The following FNDC3A variants were observed in gnomAD, a reference collection of about 807,000 sequenced individuals.
FNDC3A encodes fibronectin type-III domain-containing protein 3A.
In FNDC3A, 32 loss-of-function variants were observed where a neutral mutation model predicts 148.9. The ratio of observed to expected loss-of-function variants is 0.21; its 90% CI spans 0.16 to 0.29. The LOEUF is 0.29. Among genes scored for constraint, FNDC3A ranks in the 10% least tolerant of loss-of-function variants. FNDC3A has a pLI of 1.00. For missense variants in FNDC3A, 1,191 were observed against 1,452.8 expected (o/e 0.82, Z 2.93); for synonymous variants, 472 against 473.6 (o/e 1.00, Z 0.04).
intron 1 of FNDC3A, among the ~76,000 whole-genome samples, chr13:49,004,205 G>C (rs1952179064): frequency 6.6e-6 from 1 of 152,220 alleles, no homozygotes; most frequent in African/African-American, 2.4e-5. Flanking sequence ...AACAAAACTA[G>C]AAGTAATTTA....
chr13:49,007,130 G>A (rs903957615), intron 2 of FNDC3A, among the ~76,000 whole-genome samples: 1 of 152,010 alleles, frequency 6.6e-6, no homozygotes, highest in South Asian at 2.1e-4. Context: ...GCTCCTAACT[G>A]TTACTCATAC....
intron 7 of FNDC3A, among the ~76,000 whole-genome samples, chr13:49,145,187 G>A (rs1001689026): frequency 9.2e-5 from 14 of 152,142 alleles, no homozygotes; most frequent in African/African-American, 1.2e-4. Flanking sequence ...TTCACTAGTT[G>A]CTATACACAA....
intron 8 of FNDC3A, among the ~76,000 whole-genome samples, chr13:49,147,153 G>C (rs963526371): frequency 6.6e-6 from 1 of 152,156 alleles, no homozygotes; most frequent in African/African-American, 2.4e-5. Flanking sequence ...GTAAACCTAA[G>C]GGGTAAGTAG....
intron 2 of FNDC3A, among the ~76,000 whole-genome samples, chr13:49,067,705 T>C (rs1464382743): frequency 6.6e-6 from 1 of 152,212 alleles, no homozygotes; most frequent in Non-Finnish European, 1.5e-5. Flanking sequence ...CTTAATCTAC[T>C]TTGGGTCTTG....
chr13:49,045,720 T>A, intron 2 of FNDC3A: 1 of 1,106,444 alleles, frequency 9.0e-7, no homozygotes, highest in Non-Finnish European at 1.3e-6. Flanking sequence ...CTCTTGATTT[T>A]CAAAAACCCT....
rs536308944 is a variant in FNDC3A at position 49,138,078 on chromosome 13, C to T, written c.761-669C>T. ...TGACTAGGAACTAAAATGCTTCCAACTTTGAGGGAAATATCAAAATGTAAG... is the reference window on the plus strand; with the variant it reads ...TGACTAGGAACTAAAATGCTTCCAATTTTGAGGGAAATATCAAAATGTAAG... On this transcript the variant is annotated intron_variant, in intron 6 of 25. Transcript: ENST00000492622. Among the ~76,000 whole-genome samples, 9 of 152,282 alleles carry T rather than the reference C, an allele frequency of 5.9e-5. No individual in the cohort carries two copies. In the East Asian group the frequency reaches 1.7e-3, roughly 29 times the overall value.
intron 8 of FNDC3A, among the ~76,000 whole-genome samples, chr13:49,161,275 A>G (rs1397966912): frequency 6.6e-6 from 1 of 152,116 alleles, no homozygotes; most frequent in African/African-American, 2.4e-5. Context: ...GTAGGTCTCT[A>G]AGGACTTGCT....
At chr13:49,200,206 A>G (rs1223050067) in intron 23 of FNDC3A, among the ~76,000 whole-genome samples, 6 of 152,200 alleles carry the variant, frequency 3.9e-5, no homozygotes, top group African/African-American at 1.2e-4. Context: ...TGTTGTTTGT[A>G]TCTTAGCCAG....
chr13:49,204,982 C>A (rs1886583880), intron 25 of FNDC3A, among the ~76,000 whole-genome samples: 1 of 152,064 alleles, frequency 6.6e-6, no homozygotes. Flanking sequence ...AACTCTTAAT[C>A]AGAATTTGTT....
intron 3 of FNDC3A, among the ~76,000 whole-genome samples, chr13:49,106,949 A>G (rs1265945146): frequency 2.3e-4 from 35 of 152,176 alleles, no homozygotes; most frequent in Non-Finnish European, 1.9e-4. Context: ...TTAGGGATAT[A>G]TGTGATTTTT....
At chr13:49,070,840 G>T (rs188900525) in intron 2 of FNDC3A, among the ~76,000 whole-genome samples, 1 of 149,044 alleles carries the variant, frequency 6.7e-6, no homozygotes, top group African/African-American at 2.5e-5. Flanking sequence ...TGAACATAAC[G>T]ACCTCAATTT....
At chr13:49,185,133 TGAG>T (rs36118119) in intron 14 of FNDC3A, among the ~76,000 whole-genome samples, 83,446 of 151,684 alleles carry the variant, frequency 0.55, 24,671 homozygotes, top group Non-Finnish European at 0.66. Flanking sequence ...ATATTGGACT[TGAG>T]GATCTTTAAG....
At chr13:49,045,378 T>C in intron 2 of FNDC3A, 2 of 158,868 alleles carry the variant, frequency 1.3e-5, no homozygotes, top group Non-Finnish European at 2.7e-5. Context: ...GGTCTCAAAC[T>C]CCTGACCTCA....
intron 3 of FNDC3A, among the ~76,000 whole-genome samples, chr13:49,091,382 C>T (rs1182953408): frequency 6.7e-6 from 1 of 150,052 alleles, no homozygotes; most frequent in Non-Finnish European, 1.5e-5. Flanking sequence ...TGAAAGAAAA[C>T]AGAGACTTTA....
intron 1 of FNDC3A, among the ~76,000 whole-genome samples, chr13:48,983,823 G>A (rs1951739150): frequency 6.6e-6 from 1 of 152,064 alleles, no homozygotes; most frequent in Admixed American, 6.6e-5. Context: ...TTCATTAATA[G>A]ATAGGAACAC....
chr13:49,113,850 C>A (rs992497318), intron 3 of FNDC3A, among the ~76,000 whole-genome samples: 1 of 152,012 alleles, frequency 6.6e-6, no homozygotes, highest in Non-Finnish European at 1.5e-5. Context: ...CTAGAAAGAA[C>A]AAAACACACC....
intron 25 of FNDC3A, among the ~76,000 whole-genome samples, chr13:49,204,322 T>C (rs560157773): frequency 1.2e-4 from 18 of 152,358 alleles, no homozygotes; most frequent in East Asian, 1.2e-3. Flanking sequence ...CACCTGATTT[T>C]CCCTTTTTCC....
chr13:49,020,216 G>A (rs1593480718), intron 2 of FNDC3A, among the ~76,000 whole-genome samples: 1 of 152,136 alleles, frequency 6.6e-6, no homozygotes, highest in East Asian at 1.9e-4. Flanking sequence ...GGAGAGTGAA[G>A]CTAGGGAAGG....
intron 2 of FNDC3A, among the ~76,000 whole-genome samples, chr13:49,011,485 C>G (rs531700313): frequency 6.6e-6 from 1 of 152,132 alleles, no homozygotes; most frequent in Non-Finnish European, 1.5e-5. Flanking sequence ...CCACCCACCT[C>G]GGTCCCCCAA....
Sources: allele counts gnomAD v4.1 joint callset (sites outside exome capture counted in the v4.1 genomes callset), GRCh38; gene constraint gnomAD v4.1.1; transcripts MANE v1.5; gene names NCBI Gene and HGNC (gene_info 2026-07-23, HGNC 2026-07-21).